Variants in DLG2 observed in about 807,000 individuals in gnomAD.
DLG2 encodes the protein discs large MAGUK scaffold protein 2.
A neutral mutation model predicts 132.5 loss-of-function variants in DLG2; 45 were observed. The ratio of observed to expected loss-of-function variants is 0.34; its 90% CI spans 0.27 to 0.44. DLG2 has a LOEUF of 0.44. Ranked by LOEUF, DLG2 falls within the 20% of genes least tolerant of loss-of-function variation. DLG2 has a pLI of 1.00. For synonymous variants in DLG2, 424 were observed against 419.6 expected (o/e 1.01, Z -0.13); for missense variants, 1,045 against 1,196.9 (o/e 0.87, Z 1.87).
At chr11:83,806,849 A>G (rs2046029669) in intron 17 of DLG2, among the ~76,000 whole-genome samples, 1 of 152,180 alleles carries the variant, frequency 6.6e-6, no homozygotes, top group Admixed American at 6.5e-5. Context: ...TAATAGTGAA[A>G]ACGATGTAAA....
At chr11:84,489,101 C>CA (rs2099158113) in intron 7 of DLG2, among the ~76,000 whole-genome samples, 1 of 151,956 alleles carries the variant, frequency 6.6e-6, no homozygotes, top group African/African-American at 2.4e-5. Context: ...TTCTGTCTCT[C>CA]TTTTTTTTCT....
chr11:85,403,117 A>G (rs2088335389), intron 3 of DLG2, among the ~76,000 whole-genome samples: 4 of 152,330 alleles, frequency 2.6e-5, no homozygotes, highest in African/African-American at 9.6e-5. Flanking sequence ...AATAGACTGG[A>G]TTAAGAAAAT....
At chr11:84,308,064 G>A (rs1019027006) in intron 7 of DLG2, among the ~76,000 whole-genome samples, 4 of 152,132 alleles carry the variant, frequency 2.6e-5, no homozygotes, top group Non-Finnish European at 4.4e-5. Context: ...CCCCCACAAC[G>A]CAGAAGTAGA....
intron 7 of DLG2, among the ~76,000 whole-genome samples, chr11:84,408,554 G>C (rs2098873836): frequency 6.6e-6 from 1 of 152,084 alleles, no homozygotes; most frequent in African/African-American, 2.4e-5. Flanking sequence ...GTCAATCGGG[G>C]GTTATGGCTA....
In DLG2 at chr11:85,143,099, A is replaced by AT. The variant is rs143603115; in HGVS notation, c.282+11456dup. Among the ~76,000 whole-genome samples, 804 of 151,646 alleles carry AT rather than the reference A, an allele frequency of 5.3e-3. 4 individuals carry two copies. The highest frequency in any genetic ancestry group is 8.6e-3 in the Non-Finnish European group (581 of 67,652). ...GTTTGGAAGTGCTCCTTCCTCCTAG[A>AT]TTTTTTCAAGTAGTTTGAGTAGGAT... On this transcript the variant is annotated intron_variant, in intron 5 of 27. Coordinates refer to ENST00000376104, the MANE Select transcript of DLG2 (RefSeq NM_001142699.3).
intron 5 of DLG2, among the ~76,000 whole-genome samples, chr11:85,154,146 A>AC (rs1295285642): frequency 2.7e-5 from 4 of 150,564 alleles, no homozygotes; most frequent in Admixed American, 2.7e-4. Flanking sequence ...AAAAAAAAAA[A>AC]AAAAAAAAAA....
At chr11:84,143,559 A>G (rs1251820495) in intron 9 of DLG2, among the ~76,000 whole-genome samples, 2 of 152,180 alleles carry the variant, frequency 1.3e-5, no homozygotes, top group Non-Finnish European at 2.9e-5. Context: ...CCTTCAAACA[A>G]TAGATAATTT....
chr11:85,011,054 G>A (rs532744694), intron 6 of DLG2, among the ~76,000 whole-genome samples: 47 of 152,138 alleles, frequency 3.1e-4, no homozygotes, highest in African/African-American at 1.1e-3. Flanking sequence ...TATTTTTCCT[G>A]GAACTTTTTC....
intron 3 of DLG2, among the ~76,000 whole-genome samples, chr11:85,535,543 A>G (rs2075523981): frequency 6.6e-6 from 1 of 152,236 alleles, no homozygotes; most frequent in Non-Finnish European, 1.5e-5. Context: ...ATGGGATTGC[A>G]AATTAGTGAA....
At chr11:85,339,742 C>T (rs1238674949) in intron 3 of DLG2, among the ~76,000 whole-genome samples, 3 of 152,012 alleles carry the variant, frequency 2.0e-5, no homozygotes. Flanking sequence ...AATATTAGCC[C>T]TTTGTGGGCT....
chr11:85,363,852 C>T (rs2084340500), intron 3 of DLG2, among the ~76,000 whole-genome samples: 1 of 152,156 alleles, frequency 6.6e-6, no homozygotes, highest in Non-Finnish European at 1.5e-5. Flanking sequence ...AGTCCCTCTT[C>T]CCATGCAATG....
chr11:83,892,727 C>G (rs1172212144), intron 15 of DLG2, among the ~76,000 whole-genome samples: 1 of 150,834 alleles, frequency 6.6e-6, no homozygotes, highest in Admixed American at 6.6e-5. Context: ...CTCTAGAGGC[C>G]AAAAGTTTTA....
intron 15 of DLG2, among the ~76,000 whole-genome samples, chr11:83,912,165 T>C (rs945617514): frequency 4.6e-4 from 23 of 50,102 alleles, no homozygotes; most frequent in Non-Finnish European, 5.6e-4. Context: ...CAAAATTATA[T>C]AAAATTTTTG....
intron 21 of DLG2, among the ~76,000 whole-genome samples, chr11:83,524,808 T>C (rs768685800): frequency 4.6e-5 from 7 of 152,200 alleles, no homozygotes; most frequent in Non-Finnish European, 1.0e-4. Context: ...ACTCTTTTCA[T>C]CTTTTTACAC....
chr11:84,389,987 T>C (rs1290371816), intron 7 of DLG2, among the ~76,000 whole-genome samples: 2 of 152,186 alleles, frequency 1.3e-5, no homozygotes, highest in African/African-American at 2.4e-5. Context: ...TTTAGGTATA[T>C]ATGTTCAATA....
rs1592802085 is a variant in DLG2, at chr11:85,021,142, G to A, written c.357+90519C>T. 9 of 823,504 alleles carry A rather than the reference G, an allele frequency of 1.1e-5. No homozygotes were observed. In the East Asian group the frequency reaches 1.9e-4, roughly 18 times the overall value. 51.0% of individuals were successfully genotyped at this position (823,504 alleles called of 1,614,324 possible). The stretch of plus-strand genomic sequence containing the variant: ...ATCTGCTTTCAACTTTCCAGACTTA[G>A]AAGATCCCCGCTGCCCATTCTTAGA... On this transcript the variant is annotated intron_variant, in intron 6 of 27. Coordinates refer to ENST00000376104, the MANE Select transcript of DLG2 (RefSeq NM_001142699.3).
chr11:83,854,992 AC>A (rs2060303532), intron 16 of DLG2, among the ~76,000 whole-genome samples: 1 of 152,094 alleles, frequency 6.6e-6, no homozygotes, highest in African/African-American at 2.4e-5. Flanking sequence ...CTGACAAACA[AC>A]TCAACTAAAA....
intron 3 of DLG2, among the ~76,000 whole-genome samples, chr11:85,359,627 GT>G (rs1037234125): frequency 2.0e-5 from 3 of 152,120 alleles, no homozygotes; most frequent in African/African-American, 7.2e-5. Flanking sequence ...ACAAATAATT[GT>G]TTAACATGGT....
chr11:83,581,948 CTTTT>C (rs71849863), intron 19 of DLG2, among the ~76,000 whole-genome samples: 3 of 52,638 alleles, frequency 5.7e-5, no homozygotes, highest in African/African-American at 8.1e-5. Flanking sequence ...AGTTTGGACT[CTTTT>C]TTTTTTTTTT....
Sources: allele counts gnomAD v4.1 joint callset (sites outside exome capture counted in the v4.1 genomes callset), GRCh38; gene constraint gnomAD v4.1.1; transcripts MANE v1.5; gene names NCBI Gene and HGNC (gene_info 2026-07-23, HGNC 2026-07-21).